Variants in WDR38 observed in about 807,000 individuals in gnomAD.
WDR38 encodes WD repeat-containing protein 38.
A neutral mutation model predicts 36.6 loss-of-function variants in WDR38; 37 were observed. The observed-to-expected ratio is 1.01, with a 90% CI of 0.78 to 1.33. The LOEUF (loss-of-function observed/expected upper bound fraction) is 1.33. WDR38 is among the 40% of genes most tolerant of loss of function. The probability of loss-of-function intolerance (pLI) is 0.00; values close to 1 mark genes in which losing one functional copy is unlikely to be tolerated. For missense variants in WDR38, 411 were observed against 414.6 expected (o/e 0.99, Z 0.07); for synonymous variants, 164 against 168.1 (o/e 0.98, Z 0.19).
intron 2 of WDR38, 94 bp from the exon 3 acceptor site, chr9:124,855,540 C>A: frequency 2.3e-6 from 3 of 1,283,160 alleles, no homozygotes; most frequent in Non-Finnish European, 2.2e-6. Flanking sequence ...TGAGGGGAGG[C>A]TGGCGACGAG....
At chr9:124,855,491 C>G in intron 2 of WDR38, 143 bp from the exon 3 acceptor site, 1 of 815,978 alleles carries the variant, frequency 1.2e-6, no homozygotes, top group South Asian at 1.7e-5. Context: ...CAGGCCAAGG[C>G]ATGGAAATCC....
intron 2 of WDR38, among the ~76,000 whole-genome samples, chr9:124,854,686 C>G (rs1162008624): frequency 6.6e-6 from 1 of 152,158 alleles, no homozygotes; most frequent in Non-Finnish European, 1.5e-5. Flanking sequence ...GCCTCAGCCT[C>G]TCGAGTAGCT....
intron 2 of WDR38, 116 bp from the exon 3 acceptor site, chr9:124,855,518 C>A: frequency 9.6e-7 from 1 of 1,045,206 alleles, no homozygotes; most frequent in Non-Finnish European, 1.4e-6. Context: ...TTCTGGGAAG[C>A]TGGAGTTTGG....
rs746818903 is a variant in WDR38, at chr9:124,857,423, C to A, written c.816+12C>A. 6.2e-7 allele frequency: 1 copy of A among 1,614,114 alleles called. No individual in the cohort carries two copies. The highest frequency in any genetic ancestry group is 8.5e-7 in the Non-Finnish European group (1 of 1,180,018). On this transcript the variant is annotated intron_variant, in intron 8 of 8. Coordinates refer to ENST00000373574, the MANE Select transcript of WDR38 (RefSeq NM_001045476.3). ...TTGAGACCCTGAAGGTAAGGCACGG[C>A]GCTGTGGCACTGAGGAAGCTGTGGA...
Position 124,857,664 on chromosome 9 carries a change from G to A in WDR38, c.*34G>A, listed in dbSNP as rs759577749. Reference sequence around the variant, plus strand: ...ACCTTAGATGGTGCCGACCTCACCCGCTCCCCTCAGTGGCGCACAGGCATG... The same window carrying A: ...ACCTTAGATGGTGCCGACCTCACCCACTCCCCTCAGTGGCGCACAGGCATG... On this transcript the variant is annotated 3_prime_UTR_variant, in exon 9 of 9. Coordinates refer to ENST00000373574, the MANE Select transcript of WDR38 (RefSeq NM_001045476.3). 134 of 1,611,430 alleles carry A rather than the reference G, an allele frequency of 8.3e-5. No homozygotes were observed. The highest frequency in any genetic ancestry group is 3.3e-4 in the Admixed American group (20 of 59,960).
chr9:124,857,803 G>T lies in WDR38; in HGVS notation c.*173G>T. 6.6e-7 allele frequency: 1 copy of T among 1,522,412 alleles called. No individual in the cohort carries two copies. Among genetic ancestry groups the T allele is most frequent in the Non-Finnish European group, 8.9e-7 (1 of 1,123,316 alleles). The allele number at this position is 1,522,412 out of a possible 1,614,324, so 94.3% of individuals were successfully genotyped here. A position where few individuals can be genotyped will look rare whatever the true frequency, so the allele number is the denominator to read the frequency against. ...ACTGTGGTGGGCAGGACGCTTGCTG[G>T]AACCCATCAGACACCTGGTCCCCAA... On this transcript the variant is annotated 3_prime_UTR_variant, in exon 9 of 9. Transcript: ENST00000373574.
intron 2 of WDR38, among the ~76,000 whole-genome samples, chr9:124,854,932 C>G (rs1829008929): frequency 6.6e-6 from 1 of 152,174 alleles, no homozygotes; most frequent in African/African-American, 2.4e-5. Flanking sequence ...ACACCAATCT[C>G]CAGAGCTCTT....
In WDR38 at chr9:124,857,653, C is replaced by A; in HGVS notation, c.*23C>A. 6.2e-7 allele frequency: 1 copy of A among 1,612,856 alleles called. No homozygotes were observed. The highest frequency in any genetic ancestry group is 1.1e-5 in the South Asian group (1 of 91,024). On this transcript the variant is annotated 3_prime_UTR_variant, in exon 9 of 9. Transcript: ENST00000373574. ...TAACACCAACCACCTTAGATGGTGCCGACCTCACCCGCTCCCCTCAGTGGC... is the reference window on the plus strand; with the variant it reads ...TAACACCAACCACCTTAGATGGTGCAGACCTCACCCGCTCCCCTCAGTGGC...
chr9:124,855,597 G>A (rs1829028996), intron 2 of WDR38, 37 bp from the exon 3 acceptor site: 5 of 1,582,748 alleles, frequency 3.2e-6, no homozygotes, highest in Non-Finnish European at 3.4e-6. Flanking sequence ...GAAGTGGCGG[G>A]CAGTGCTCTG....
At chr9:124,854,563 G>A (rs4838226) in intron 2 of WDR38, among the ~76,000 whole-genome samples, 141,266 of 152,210 alleles carry the variant, frequency 0.93, 65,997 homozygotes, top group Non-Finnish European at 0.99. Context: ...ATGTAACACA[G>A]TAATACTTAC....
chr9:124,857,540 A>T lies in WDR38; in HGVS notation c.855A>T (p.Pro285=). 1 of 1,614,208 alleles carries T rather than the reference A, an allele frequency of 6.2e-7. No homozygotes were observed. Among genetic ancestry groups the T allele is most frequent in the South Asian group, 1.1e-5 (1 of 91,086 alleles). The part of the protein sequence containing the change: ...LDVAHTCAFT[P]DGKILVSGAA... The stretch of plus-strand genomic sequence containing the variant: ...TGGCCCACACCTGTGCCTTCACCCC[A>T]GATGGGAAAATCTTAGTGTCTGGAG... Residue 285 remains proline, a synonymous_variant, in exon 9 of 9, where the codon CCA becomes CCT. Coordinates refer to ENST00000373574, the MANE Select transcript of WDR38 (RefSeq NM_001045476.3).
rs1828990262 is a variant in WDR38, at chr9:124,854,326, G to T, written c.190+1G>T. ...CTGTGGAGGCTGGGTGGCCACACAG[G>T]TGGGGCTCCCACACCTGGCCGGGAA... On this transcript the variant is annotated splice_donor_variant, in intron 2 of 8. Transcript: ENST00000373574. LOFTEE classifies it high-confidence loss of function. The T allele has an allele frequency of 1.2e-6, 2 of 1,613,634 alleles. No individual in the cohort carries two copies. The highest frequency in any genetic ancestry group is 1.7e-6 in the Non-Finnish European group (2 of 1,179,944).
In WDR38 at chr9:124,857,784, G is replaced by T; in HGVS notation, c.*154G>T. On this transcript the variant is annotated 3_prime_UTR_variant, in exon 9 of 9. Transcript: ENST00000373574. ...GGCCCCACCAGAGCAGACAACTGTG[G>T]TGGGCAGGACGCTTGCTGGAACCCA... 2 of 1,508,524 alleles carry T rather than the reference G, an allele frequency of 1.3e-6. No individual in the cohort carries two copies. Among genetic ancestry groups the T allele is most frequent in the Non-Finnish European group, 1.8e-6 (2 of 1,116,504 alleles). 93.4% of individuals were successfully genotyped at this position (1,508,524 alleles called of 1,614,324 possible).
At position 124,857,352 on chromosome 9, in the gene WDR38, C is replaced by CG. The variant is rs397711804; in HGVS notation, c.769-12_769-11insG. ...TGGTGAGGCTTCCTGACATGCCCCC[C>CG]TCCTTTTCCAGGTCAAAGTCTGGGA... On this transcript the variant is annotated splice_polypyrimidine_tract_variant and intron_variant, in intron 7 of 8. Transcript: ENST00000373574. 6.3e-7 allele frequency: 1 copy of CG among 1,589,228 alleles called. No individual in the cohort carries two copies. Among genetic ancestry groups the CG allele is most frequent in the Non-Finnish European group, 8.6e-7 (1 of 1,160,302 alleles).
chr9:124,856,160 G>A (rs932617528), intron 4 of WDR38, 80 bp from the exon 5 acceptor site: 12 of 1,593,232 alleles, frequency 7.5e-6, no homozygotes, highest in East Asian at 2.2e-5. Flanking sequence ...CTTTTTGCAC[G>A]AGGTCCCCCT....
chr9:124,857,151 C>A (rs1829097734), intron 7 of WDR38, among the ~76,000 whole-genome samples: 1 of 152,156 alleles, frequency 6.6e-6, no homozygotes, highest in Admixed American at 6.5e-5. Flanking sequence ...CCAAACAAAA[C>A]CTACACCAAG....
chr9:124,854,642 G>A (rs548530196), intron 2 of WDR38, among the ~76,000 whole-genome samples: 3 of 152,264 alleles, frequency 2.0e-5, no homozygotes, highest in African/African-American at 4.8e-5. Flanking sequence ...TCGGCTCACT[G>A]CAACCCCCGC....
intron 2 of WDR38, among the ~76,000 whole-genome samples, chr9:124,855,286 G>GA (rs1367330443): frequency 6.6e-6 from 1 of 152,158 alleles, no homozygotes; most frequent in Non-Finnish European, 1.5e-5. Flanking sequence ...CAGGAGACAA[G>GA]AAAAAATATC....
Position 124,856,229 on chromosome 9 carries a change from GCT to G in WDR38, c.406-4_406-3del. On this transcript the variant is annotated splice_polypyrimidine_tract_variant and intron_variant, in intron 4 of 8. Transcript: ENST00000373574. ...CCTCTGCTGCCTTCTGCAGCTCAGG[GCT>G]CTCTCTAGTCCGGCCAGATGCTGCG... The G allele has an allele frequency of 1.2e-6, 2 of 1,614,100 alleles. No homozygotes were observed. The highest frequency in any genetic ancestry group is 1.1e-5 in the South Asian group (1 of 91,082).
Sources: gnomAD v4.1 joint callset for allele counts (sites outside exome capture counted in the v4.1 genomes callset) on GRCh38, gnomAD v4.1.1 for gene constraint, MANE v1.5 for transcripts, NCBI Gene and HGNC (gene_info 2026-07-23, HGNC 2026-07-21) for gene names.